Variants in XKR4 observed in about 807,000 individuals in gnomAD.
The protein encoded by XKR4 is XK-related protein 4.
A neutral mutation model predicts 53.9 loss-of-function variants in XKR4; 12 were observed. The ratio of observed to expected loss-of-function variants is 0.22; its 90% CI spans 0.14 to 0.36. The LOEUF (loss-of-function observed/expected upper bound fraction) is 0.36, where lower values mean the gene tolerates loss of function less well. Ranked by LOEUF, XKR4 falls within the 10% of genes least tolerant of loss-of-function variation. The pLI is 1.00. For synonymous variants in XKR4, 354 were observed against 362.4 expected, an observed-to-expected ratio of 0.98 and a Z score of 0.26; for missense variants, 799 against 859.5, an observed-to-expected ratio of 0.93 and a Z score of 0.88.
chr8:55,469,852 G>C (rs1212705774), intron 2 of XKR4, among the ~76,000 whole-genome samples: 8 of 152,064 alleles, frequency 5.3e-5, no homozygotes, highest in Admixed American at 4.6e-4. Flanking sequence ...CCCTTTAACA[G>C]GACCTGGTCA....
intron 1 of XKR4, among the ~76,000 whole-genome samples, chr8:55,252,225 T>C (rs1355130907): frequency 2.0e-5 from 3 of 152,204 alleles, no homozygotes; most frequent in African/African-American, 2.4e-5. Flanking sequence ...ATACTAAGCA[T>C]AAGAAAAGCA....
intron 2 of XKR4, among the ~76,000 whole-genome samples, chr8:55,440,262 A>G (rs1805245396): frequency 6.6e-6 from 1 of 152,230 alleles, no homozygotes; most frequent in South Asian, 2.1e-4. Flanking sequence ...GAATGATTCT[A>G]TAAAAAAGGT....
At chr8:55,379,478 C>T (rs925000473) in intron 2 of XKR4, among the ~76,000 whole-genome samples, 19 of 152,222 alleles carry the variant, frequency 1.2e-4, no homozygotes, top group African/African-American at 1.7e-4. Flanking sequence ...ATGCATTCAA[C>T]GCGTTTTTGC....
chr8:55,336,653 A>G (rs1401074439), intron 1 of XKR4, among the ~76,000 whole-genome samples: 5 of 152,206 alleles, frequency 3.3e-5, no homozygotes, highest in Non-Finnish European at 7.3e-5. Flanking sequence ...TTTTTAAAGA[A>G]CAAATGACAA....
At chr8:55,417,126 C>A (rs1804863250) in intron 2 of XKR4, among the ~76,000 whole-genome samples, 3 of 152,202 alleles carry the variant, frequency 2.0e-5, no homozygotes, top group African/African-American at 7.2e-5. Flanking sequence ...GGCTGAGAAC[C>A]ATTGTCGTCG....
chr8:55,484,956 A>G (rs1420938411), intron 2 of XKR4, among the ~76,000 whole-genome samples: 3 of 152,222 alleles, frequency 2.0e-5, no homozygotes, highest in African/African-American at 7.2e-5. Flanking sequence ...CTCAGCCTCC[A>G]TGATTGTATG....
At chr8:55,190,834 C>T (rs1378037119) in intron 1 of XKR4, among the ~76,000 whole-genome samples, 2 of 152,134 alleles carry the variant, frequency 1.3e-5, no homozygotes, top group East Asian at 1.9e-4. Flanking sequence ...CTTGAAAATC[C>T]GAAAATGGTT....
At chr8:55,230,110 T>G (rs1304631808) in intron 1 of XKR4, among the ~76,000 whole-genome samples, 1 of 152,166 alleles carries the variant, frequency 6.6e-6, no homozygotes, top group Non-Finnish European at 1.5e-5. Context: ...TACTATCCAC[T>G]AAAGAACAAT....
intron 2 of XKR4, among the ~76,000 whole-genome samples, chr8:55,439,757 C>T (rs569050164): frequency 2.8e-4 from 43 of 152,170 alleles, no homozygotes; most frequent in African/African-American, 8.9e-4. Context: ...TTTAATTGTA[C>T]TTCCAGAAAA....
intron 1 of XKR4, among the ~76,000 whole-genome samples, chr8:55,103,872 T>G (rs1318706521): frequency 1.4e-5 from 2 of 142,102 alleles, no homozygotes; most frequent in Non-Finnish European, 3.1e-5. Flanking sequence ...TATATATATA[T>G]ATATATATAT....
chr8:55,284,674 A>G (rs184443485), intron 1 of XKR4, among the ~76,000 whole-genome samples: 355 of 152,308 alleles, frequency 2.3e-3, no homozygotes, highest in Non-Finnish European at 4.2e-3. Context: ...GTCATGGGAC[A>G]TAGTGATGTG....
intron 1 of XKR4, among the ~76,000 whole-genome samples, chr8:55,176,019 T>G (rs1271216851): frequency 2.6e-5 from 4 of 152,216 alleles, no homozygotes; most frequent in African/African-American, 9.6e-5. Flanking sequence ...TTTCTCTATT[T>G]GGCAGATAGA....
At chr8:55,360,546 G>A (rs1047557356) in intron 2 of XKR4, among the ~76,000 whole-genome samples, 1 of 152,216 alleles carries the variant, frequency 6.6e-6, no homozygotes, top group African/African-American at 2.4e-5. Flanking sequence ...TGCTATGAAT[G>A]TAAATAATCA....
intron 1 of XKR4, among the ~76,000 whole-genome samples, chr8:55,137,746 T>G (rs1053573649): frequency 6.6e-6 from 1 of 151,808 alleles, no homozygotes; most frequent in African/African-American, 2.4e-5. Flanking sequence ...ATTTATTTAT[T>G]TTTTTTGTAG....
rs937207489 is a variant in XKR4, at chr8:55,466,199, G to A, written c.1007-57082G>A. Among the ~76,000 whole-genome samples, 3 of 152,126 alleles carry A rather than the reference G, an allele frequency of 2.0e-5. No homozygotes were observed. In the East Asian group the frequency reaches 5.8e-4, roughly 29 times the overall value. On this transcript the variant is annotated intron_variant, in intron 2 of 2. Transcript: ENST00000327381. Reference sequence around the variant, plus strand: ...AGACACATGCATATGTATGTTTATTGCGGCACTATTCACAATAGCAAAGAC... The same window carrying A: ...AGACACATGCATATGTATGTTTATTACGGCACTATTCACAATAGCAAAGAC...
At chr8:55,247,997 A>C (rs1409231245) in intron 1 of XKR4, among the ~76,000 whole-genome samples, 2 of 150,984 alleles carry the variant, frequency 1.3e-5, no homozygotes, top group African/African-American at 4.9e-5. Context: ...CTGGGACTAC[A>C]GGTGCGTGCC....
intron 2 of XKR4, among the ~76,000 whole-genome samples, chr8:55,486,325 G>T (rs575566371): frequency 6.9e-4 from 105 of 152,332 alleles, no homozygotes; most frequent in Non-Finnish European, 1.1e-3. Flanking sequence ...AAAGAGCTGA[G>T]CTGTCAAGAA....
At chr8:55,330,392 T>A (rs1285016038) in intron 1 of XKR4, among the ~76,000 whole-genome samples, 1 of 151,956 alleles carries the variant, frequency 6.6e-6, no homozygotes, top group East Asian at 1.9e-4. Context: ...GTGGATTAAA[T>A]GAAAAAATGC....
chr8:55,494,181 C>T (rs116265146), intron 2 of XKR4, among the ~76,000 whole-genome samples: 418 of 152,360 alleles, frequency 2.7e-3, no homozygotes, highest in African/African-American at 9.8e-3. Flanking sequence ...CAGGTGCCAA[C>T]ACAGGCACTG....
Sources: gnomAD v4.1 joint callset for allele counts (sites outside exome capture counted in the v4.1 genomes callset) on GRCh38, gnomAD v4.1.1 for gene constraint, MANE v1.5 for transcripts, NCBI Gene and HGNC (gene_info 2026-07-23, HGNC 2026-07-21) for gene names.